The following GABRQ variants were observed in gnomAD, a reference collection of about 807,000 sequenced individuals.
GABRQ encodes the protein gamma-aminobutyric acid type A receptor subunit theta, also known as gamma-aminobutyric acid receptor subunit theta.
A neutral mutation model predicts 30.5 loss-of-function variants in GABRQ; 19 were observed. The observed-to-expected ratio is 0.62, with a 90% confidence interval of 0.43 to 0.91. The LOEUF (loss-of-function observed/expected upper bound fraction) is 0.91. GABRQ is among the 40% of genes least tolerant of loss of function. The pLI, the probability that GABRQ is intolerant of heterozygous loss-of-function variation, is 0.00. For missense variants in GABRQ, 520 were observed against 521.4 expected (o/e 1.00, Z 0.03); for synonymous variants, 187 against 210.2 (o/e 0.89, Z 0.95).
Position 152,640,378 on chromosome X carries a change from C to T in GABRQ, c.150C>T (p.Cys50=), listed in dbSNP as rs1556818191. 1 of 1,191,696 alleles carries T rather than the reference C, an allele frequency of 8.4e-7. No individual in the cohort carries two copies. Among genetic ancestry groups the T allele is most frequent in the Non-Finnish European group, 1.1e-6 (1 of 877,013 alleles). ...TTTACTTATGACTTCTCTGTTTCAG[C>T]AAAAATTGTGCAAATGAAGCTGTGG... The part of the protein sequence containing the change: ...VPEVVLNLFN[C]KNCANEAVVQ... Residue 50 remains cysteine, a splice_region_variant and synonymous_variant, in exon 2 of 9, where the codon TGC becomes TGT. Transcript: ENST00000598523.
At chrX:152,657,625 A>G (rs1197191631), downstream of GABRQ, 1 of 112,249 alleles carries the variant, frequency 8.9e-6, no homozygotes, top group African/African-American at 3.2e-5. Context: ...TCTGGCTTCC[A>G]TCACTCACTT....
intron 2 of GABRQ, among the ~76,000 whole-genome samples, chrX:152,643,291 A>G (rs984080081): frequency 3.6e-5 from 4 of 112,533 alleles, no homozygotes; most frequent in African/African-American, 1.3e-4. Flanking sequence ...CTGTACCCCA[A>G]CACAGAGGCT....
At chrX:152,639,444 G>A (rs1226390881) in intron 1 of GABRQ, among the ~76,000 whole-genome samples, 3 of 111,540 alleles carry the variant, frequency 2.7e-5, no homozygotes, top group African/African-American at 6.6e-5. Flanking sequence ...CCTGGGCAAT[G>A]CGTCAAAGAT....
chrX:152,652,534 C>T lies in GABRQ; in HGVS notation c.1159-7C>T. On this transcript the variant is annotated splice_polypyrimidine_tract_variant and splice_region_variant and intron_variant, in intron 8 of 8. Coordinates refer to ENST00000598523, the MANE Select transcript of GABRQ (RefSeq NM_018558.4). ...AACTGATGAGCCTATCCATTATCTC[C>T]TCAAAGGATGGCCTGATTAACGTGG... is the stretch of plus-strand genomic sequence containing the variant. The T allele has an allele frequency of 8.3e-7, 1 of 1,199,426 alleles. No individual in the cohort carries two copies. The highest frequency in any genetic ancestry group is 1.1e-6 in the Non-Finnish European group (1 of 887,962).
chrX:152,642,636 C>T (rs1030478337), intron 2 of GABRQ, among the ~76,000 whole-genome samples: 1 of 112,246 alleles, frequency 8.9e-6, no homozygotes, highest in African/African-American at 3.2e-5. Flanking sequence ...CTTCATTCAT[C>T]TGCTAGATAG....
chrX:152,649,650 C>A, intron 5 of GABRQ, 92 bp from the exon 6 acceptor site: 1 of 723,652 alleles, frequency 1.4e-6, no homozygotes, highest in Non-Finnish European at 2.1e-6. Flanking sequence ...AAAGTGTGTG[C>A]AAGTTAGTGG....
At chrX:152,644,074 G>A (rs1930823940) in intron 2 of GABRQ, among the ~76,000 whole-genome samples, 1 of 110,254 alleles carries the variant, frequency 9.1e-6, no homozygotes, top group African/African-American at 3.3e-5. Flanking sequence ...TACTACACAC[G>A]TTATATACGA....
Position 152,646,965 on chromosome X carries a change from G to GT in GABRQ, c.330dup (p.His111SerfsTer13). ...CTTCCCAGGACTACACGATCACGAT[G>GT]TTTTTTCATCAGACTTGGAAAGATT... On this transcript the variant is annotated frameshift_variant, in exon 4 of 9. Transcript: ENST00000598523. LOFTEE classifies it high-confidence loss of function. 1 of 1,204,660 alleles carries GT rather than the reference G, an allele frequency of 8.3e-7. No homozygotes were observed. Among genetic ancestry groups the GT allele is most frequent in the Non-Finnish European group, 1.1e-6 (1 of 889,082 alleles).
At chrX:152,647,302 C>T (rs1298150212) in intron 4 of GABRQ, 134 bp downstream of exon 4, 2 of 478,081 alleles carry the variant, frequency 4.2e-6, no homozygotes, top group Non-Finnish European at 7.2e-6. Flanking sequence ...CCCCTTCACT[C>T]GTTCTACCCA....
chrX:152,638,213 G>A lies in GABRQ; in HGVS notation c.11G>A (p.Arg4Gln). 1 of 1,210,810 alleles carries A rather than the reference G, an allele frequency of 8.3e-7. No homozygotes were observed. The highest frequency in any genetic ancestry group is 1.1e-6 in the Non-Finnish European group (1 of 894,752). ...CAGAACGCCCCGGCCATGGGCATCC[G>A]AGGCATGCTGCGAGCCGCAGTGATC... Reference protein sequence around the residue: MGIRGMLRAAVILL... With the variant: MGIQGMLRAAVILL... The change falls in exon 1 of 9, where the codon CGA becomes CAA. Residue 4 changes from arginine (R) to glutamine (Q), a missense_variant. Physicochemically the swap from Arg to Gln is conservative, Grantham distance 43 (BLOSUM62 1). Coordinates refer to ENST00000598523, the MANE Select transcript of GABRQ (RefSeq NM_018558.4).
intron 2 of GABRQ, among the ~76,000 whole-genome samples, chrX:152,642,367 C>T (rs1448061619): frequency 4.5e-5 from 5 of 112,238 alleles, no homozygotes; most frequent in African/African-American, 1.6e-4. Flanking sequence ...CCTCCACATG[C>T]AGAGGCCTCA....
At chrX:152,645,434 A>G (rs1456518311) in intron 2 of GABRQ, 93 bp from the exon 3 acceptor site, 4 of 577,526 alleles carry the variant, frequency 6.9e-6, no homozygotes, top group Non-Finnish European at 1.2e-5. Flanking sequence ...AACAAGTTTC[A>G]AAGAGGGTTC....
Position 152,646,911 on chromosome X carries a change from C to T in GABRQ, c.307-37C>T, listed in dbSNP as rs1430939522. 4.8e-6 allele frequency: 5 copies of T among 1,044,581 alleles called. No homozygotes were observed. In the African/African-American group the frequency reaches 7.4e-5, roughly 15 times the overall value. 86.1% of individuals were successfully genotyped at this position (1,044,581 alleles called of 1,213,427 possible). A position where few individuals can be genotyped will look rare whatever the true frequency, so the allele number is the denominator to read the frequency against. On this transcript the variant is annotated intron_variant, in intron 3 of 8. Coordinates refer to ENST00000598523, the MANE Select transcript of GABRQ (RefSeq NM_018558.4). ...ACACCAAGGATGGAGCTCTGGACAA[C>T]CAAACTTACAACTGGGATTTACATT...
rs1011320436 is a variant in GABRQ, at chrX:152,654,796, C to T, written c.*1515C>T. 1.8e-5 allele frequency: 2 copies of T among 112,508 alleles called. No homozygotes were observed. Among genetic ancestry groups the T allele is most frequent in the African/African-American group, 6.5e-5 (2 of 30,900 alleles). The allele number at this position is 112,508 out of a possible 1,213,427, so 9.3% of individuals were successfully genotyped here. On this transcript the variant is annotated 3_prime_UTR_variant, in exon 9 of 9. Transcript: ENST00000598523. Reference sequence around the variant, plus strand: ...TGCCACCTCTTCCTCCCTATGCAGTCTCTCCCTCAGTCCCTTACCCCTCTA... The same window carrying T: ...TGCCACCTCTTCCTCCCTATGCAGTTTCTCCCTCAGTCCCTTACCCCTCTA...
At chrX:152,648,926 A>G (rs1930952291) in intron 4 of GABRQ, among the ~76,000 whole-genome samples, 1 of 112,421 alleles carries the variant, frequency 8.9e-6, no homozygotes, top group Non-Finnish European at 1.9e-5. Context: ...CTGGAGTCTC[A>G]GCTGATTTGG....
intron 8 of GABRQ, 68 bp from the exon 9 acceptor site, chrX:152,652,473 C>T (rs1931046083): frequency 1.1e-6 from 1 of 933,749 alleles, no homozygotes. Context: ...CTTCCCTCCT[C>T]CCTCCCCCCA....
intron 7 of GABRQ, 76 bp from the exon 8 acceptor site, chrX:152,651,450 T>G: frequency 2.2e-6 from 2 of 901,410 alleles, no homozygotes; most frequent in Non-Finnish European, 3.2e-6. Context: ...CCCAAATATG[T>G]TTGGGTGGGG....
Position 152,652,559 on chromosome X carries a change from G to A in GABRQ, c.1177G>A (p.Glu393Lys), listed in dbSNP as rs868995544. ...CTCAAAGGATGGCCTGATTAACGTG[G>A]AAGACGGAGTCAGCTCTCTCCCCAT... ...GNVQDGLINV[E>K]DGVSSLPITP... Residue 393 changes from glutamate (E) to lysine (K), a missense_variant, in exon 9 of 9, where the codon GAA becomes AAA. Coordinates refer to ENST00000598523, the MANE Select transcript of GABRQ (RefSeq NM_018558.4). 4 of 1,205,810 alleles carry A rather than the reference G, an allele frequency of 3.3e-6. No homozygotes were observed. Among genetic ancestry groups the A allele is most frequent in the Non-Finnish European group, 4.5e-6 (4 of 892,722 alleles).
chrX:152,651,437 C>A, intron 7 of GABRQ, 89 bp from the exon 8 acceptor site: 1 of 785,969 alleles, frequency 1.3e-6, no homozygotes, highest in Non-Finnish European at 1.9e-6. Flanking sequence ...GGGCCCTCCT[C>A]ACCCCAAATA....
Sources: gnomAD v4.1 joint callset for allele counts (sites outside exome capture counted in the v4.1 genomes callset) on GRCh38, gnomAD v4.1.1 for gene constraint, MANE v1.5 for transcripts, NCBI Gene and HGNC (gene_info 2026-07-23, HGNC 2026-07-21) for gene names.